CSN1S1: variants seen among roughly 807,000 people sequenced by gnomAD.
CSN1S1 encodes casein alpha s1, also known as alpha-S1-casein.
In CSN1S1, 63 loss-of-function variants were observed where a neutral mutation model predicts 49.1. The ratio of observed to expected loss-of-function variants is 1.28; its 90% CI spans 1.05 to 1.58. The LOEUF is 1.58. CSN1S1 is among the 40% of genes most tolerant of loss of function. CSN1S1 has a pLI of 0.00. For missense variants in CSN1S1, 260 were observed against 224.7 expected, an observed-to-expected ratio of 1.16 and a Z score of -1.01; for synonymous variants, 78 against 67.1, an observed-to-expected ratio of 1.16 and a Z score of -0.79.
At chr4:69,936,329 A>G in intron 5 of CSN1S1, 127 bp from the exon 6 acceptor site, 1 of 784,574 alleles carries the variant, frequency 1.3e-6, no homozygotes, top group Non-Finnish European at 2.1e-6. Flanking sequence ...ATATTAGTTC[A>G]TTCAGGAAAA....
intron 9 of CSN1S1, 44 bp downstream of exon 9, chr4:69,937,867 A>G: frequency 1.4e-6 from 2 of 1,440,610 alleles, no homozygotes; most frequent in South Asian, 1.3e-5. Flanking sequence ...TACGTATCAA[A>G]CATAGTATAT....
chr4:69,944,768 A>C, intron 14 of CSN1S1, 82 bp from the exon 15 acceptor site: 1 of 1,370,030 alleles, frequency 7.3e-7, no homozygotes, highest in Non-Finnish European at 1.0e-6. Flanking sequence ...CTTGGAAATG[A>C]ATGAGATGTA....
At chr4:69,938,346 A>T (rs1048471287) in intron 9 of CSN1S1, among the ~76,000 whole-genome samples, 2 of 151,720 alleles carry the variant, frequency 1.3e-5, no homozygotes, top group Non-Finnish European at 3.0e-5. Flanking sequence ...TAATGGCAAT[A>T]CTATTAGGTT....
chr4:69,938,182 A>G (rs115033942), intron 9 of CSN1S1, among the ~76,000 whole-genome samples: 2,266 of 151,912 alleles, frequency 0.015, 56 homozygotes, highest in African/African-American at 0.053. Flanking sequence ...ACTGACTCTG[A>G]CATCCCAGGG....
At chr4:69,934,278 T>A (rs1200228740) in intron 3 of CSN1S1, 34 bp downstream of exon 3, 1 of 1,601,070 alleles carries the variant, frequency 6.2e-7, no homozygotes, top group East Asian at 2.2e-5. Context: ...AAGAACTCAC[T>A]CTAATTGTGA....
At chr4:69,932,440 C>A in intron 1 of CSN1S1, 104 bp from the exon 2 acceptor site, 1 of 956,996 alleles carries the variant, frequency 1.0e-6, no homozygotes, top group Non-Finnish European at 1.6e-6. Flanking sequence ...AATCAGCCTA[C>A]TTTTATCATA....
chr4:69,932,447 C>T, intron 1 of CSN1S1, 97 bp from the exon 2 acceptor site: 2 of 1,007,200 alleles, frequency 2.0e-6, no homozygotes, highest in Non-Finnish European at 3.0e-6. Context: ...CTACTTTTAT[C>T]ATAATTTGCT....
In CSN1S1 at chr4:69,935,955, A is replaced by G. The variant is rs1164706064; in HGVS notation, c.129+6A>G. On this transcript the variant is annotated splice_donor_region_variant and intron_variant, in intron 5 of 15. Coordinates refer to ENST00000246891, the MANE Select transcript of CSN1S1 (RefSeq NM_001890.2). ...TACCATTAGAATCAAGAGAGGTAAG[A>G]ATGACTCCACAGAATTTACCGTGCA... The G allele has an allele frequency of 2.6e-6, 4 of 1,539,968 alleles. No homozygotes were observed. The highest frequency in any genetic ancestry group is 3.5e-6 in the Non-Finnish European group (4 of 1,136,858).
At chr4:69,933,651 AC>A (rs984526763) in intron 2 of CSN1S1, among the ~76,000 whole-genome samples, 4 of 151,948 alleles carry the variant, frequency 2.6e-5, no homozygotes, top group African/African-American at 9.7e-5. Context: ...TAGATGTTAC[AC>A]TTTTATTCCA....
At chr4:69,937,985 A>C (rs1166533207) in intron 9 of CSN1S1, among the ~76,000 whole-genome samples, 162 bp downstream of exon 9, 1 of 151,892 alleles carries the variant, frequency 6.6e-6, no homozygotes, top group Non-Finnish European at 1.5e-5. Context: ...TTCTAATTTT[A>C]ACTTATTGAA....
chr4:69,944,450 T>C (rs1469317289), intron 14 of CSN1S1, among the ~76,000 whole-genome samples: 2 of 152,026 alleles, frequency 1.3e-5, no homozygotes, highest in Non-Finnish European at 2.9e-5. Context: ...GCCTGTACTT[T>C]GACCCCAGTG....
chr4:69,937,682 A>ACTT, intron 8 of CSN1S1, 118 bp from the exon 9 acceptor site: 2 of 763,528 alleles, frequency 2.6e-6, no homozygotes, highest in Non-Finnish European at 4.1e-6. Context: ...TTTTCTTATT[A>ACTT]CTTTTATATT....
At position 69,934,724 on chromosome 4, in the gene CSN1S1, A is replaced by T; in HGVS notation, c.105+14A>T. On this transcript the variant is annotated intron_variant, in intron 4 of 15. Coordinates refer to ENST00000246891, the MANE Select transcript of CSN1S1 (RefSeq NM_001890.2). Reference sequence around the variant, plus strand: ...GAGAGCAGTGAGGTAAGCTCTGTTTATGGGGAGTCAGGATTCTCTCTTCCT... The same window carrying T: ...GAGAGCAGTGAGGTAAGCTCTGTTTTTGGGGAGTCAGGATTCTCTCTTCCT... 1 of 1,606,800 alleles carries T rather than the reference A, an allele frequency of 6.2e-7. No homozygotes were observed. The highest frequency in any genetic ancestry group is 8.5e-7 in the Non-Finnish European group (1 of 1,174,572).
At chr4:69,935,876 A>T in intron 4 of CSN1S1, 50 bp from the exon 5 acceptor site, 1 of 1,168,456 alleles carries the variant, frequency 8.6e-7, no homozygotes, top group Non-Finnish European at 1.2e-6. Flanking sequence ...AAATGATTTG[A>T]TAGATAACTC....
In CSN1S1 at chr4:69,945,000, T is replaced by C; in HGVS notation, c.553T>C (p.Trp185Arg). 1 of 1,612,412 alleles carries C rather than the reference T, an allele frequency of 6.2e-7. No homozygotes were observed. Among genetic ancestry groups the C allele is most frequent in the Non-Finnish European group, 8.5e-7 (1 of 1,178,954 alleles). The stretch of plus-strand genomic sequence containing the variant: ...TGAAAAAAATAACGTCATGCTACAG[T>C]GGTGGTAAGTTCATTTAAATTACTA... ...NYEKNNVMLQW is the reference protein window; with the variant it reads ...NYEKNNVMLQR Residue 185 changes from tryptophan (W) to arginine (R), a missense_variant, in exon 15 of 16, where the codon TGG becomes CGG. Trp to Arg is a moderately radical substitution (Grantham distance 101, BLOSUM62 -3). Transcript: ENST00000246891.
At position 69,944,912 on chromosome 4, in the gene CSN1S1, C is replaced by A. The variant is rs538860796; in HGVS notation, c.465C>A (p.Ile155=). The A allele has an allele frequency of 7.4e-6, 12 of 1,612,868 alleles. No homozygotes were observed. Among genetic ancestry groups the A allele is most frequent in the Non-Finnish European group, 9.3e-6 (11 of 1,179,264 alleles). ...ATGCTGTTTGGTACTATCCACAAAT[C>A]ATGCAGTATGTTCCTTTCCCACCGT... The part of the protein sequence containing the change: ...YPYAVWYYPQ[I]MQYVPFPPFS... Residue 155 remains isoleucine (I), a synonymous_variant, in exon 15 of 16, where the codon ATC becomes ATA. Transcript: ENST00000246891.
Position 69,936,680 on chromosome 4 carries a change from GA to G in CSN1S1, c.195+81del, listed in dbSNP as rs1035979924. ...TAGTAGAAAAAAAGTTTTCCTTTAG[GA>G]AAAAAAAGCATTTTTCTATGGTTTT... On this transcript the variant is annotated intron_variant, in intron 7 of 15. Transcript: ENST00000246891. The G allele has an allele frequency of 2.5e-5, 35 of 1,379,376 alleles. No homozygotes were observed. The African/African-American group carries it at 3.5e-4, about 14-fold the overall frequency. The allele number at this position is 1,379,376 out of a possible 1,614,324, so 85.4% of individuals were successfully genotyped here.
intron 5 of CSN1S1, 99 bp from the exon 6 acceptor site, chr4:69,936,357 T>C: frequency 1.1e-6 from 1 of 919,690 alleles, no homozygotes; most frequent in South Asian, 1.6e-5. Flanking sequence ...TATTTTTAAA[T>C]TTGTATCAGC....
Position 69,941,031 on chromosome 4 carries a change from A to G in CSN1S1, c.313A>G (p.Arg105Gly). Residue 105 changes from arginine to glycine, a missense_variant, in exon 12 of 16, where the codon AGA (arginine) becomes GGA (glycine). Transcript: ENST00000246891. The stretch of plus-strand genomic sequence containing the variant: ...TCTTTTTAAATAGGAACAGTTTTGT[A>G]GACTGAACGAATACAACCAACTTCA... ...SLSKCAEQFC[R>G]LNEYNQLQLQ... is the part of the protein sequence containing the mutation. The G allele has an allele frequency of 1.3e-6, 2 of 1,517,466 alleles. No homozygotes were observed. The highest frequency in any genetic ancestry group is 1.2e-5 in the South Asian group (1 of 82,720). The allele number at this position is 1,517,466 out of a possible 1,614,324, so 94.0% of individuals were successfully genotyped here.
Sources: allele counts gnomAD v4.1 joint callset (sites outside exome capture counted in the v4.1 genomes callset), GRCh38; gene constraint gnomAD v4.1.1; transcripts MANE v1.5; gene names NCBI Gene and HGNC (gene_info 2026-07-23, HGNC 2026-07-21).